Variants in JADE1 observed in about 807,000 individuals in gnomAD.
JADE1 encodes the protein jade family PHD finger 1.
In JADE1, 14 loss-of-function variants were observed where a neutral mutation model predicts 81.8. The observed-to-expected ratio is 0.17, with a 90% CI of 0.11 to 0.27. The LOEUF is 0.27. JADE1 is among the 10% of genes least tolerant of loss of function. JADE1 has a pLI of 1.00. For missense variants in JADE1, 690 were observed against 1,047.9 expected (o/e 0.66, Z 4.71); for synonymous variants, 353 against 391.9 (o/e 0.90, Z 1.17).
rs1472306934 is a variant in JADE1 at position 128,872,422 on chromosome 4, T to C, written c.*160T>C. 6 of 647,448 alleles carry C rather than the reference T, an allele frequency of 9.3e-6. No homozygotes were observed. Among genetic ancestry groups the C allele is most frequent in the Non-Finnish European group, 1.5e-5 (6 of 387,464 alleles). The allele number at this position is 647,448 out of a possible 1,614,324, so 40.1% of individuals were successfully genotyped here. ...TTTTTCCAGAGTCATTTTTAAATCA[T>C]TTTTGTGAGAAGTTTGTGTTATTTG... On this transcript the variant is annotated 3_prime_UTR_variant, in exon 11 of 11. Coordinates refer to ENST00000226319, the MANE Select transcript of JADE1 (RefSeq NM_199320.4).
At chr4:128,832,376 T>C (rs2125828873) in intron 2 of JADE1, among the ~76,000 whole-genome samples, 1 of 152,306 alleles carries the variant, frequency 6.6e-6, no homozygotes, top group East Asian at 1.9e-4. Context: ...TTCCAGGCAG[T>C]CAAAATAAAT....
rs2125911246 is a variant in JADE1, at chr4:128,873,953, C to T, written c.*1691C>T. ...TGATACATCCCCATTGTATGTACGA[C>T]ATTTTCAAACCAAGTCTTAACTTTT... On this transcript the variant is annotated 3_prime_UTR_variant, in exon 11 of 11. Coordinates refer to ENST00000226319, the MANE Select transcript of JADE1 (RefSeq NM_199320.4). 1 of 152,746 alleles carries T rather than the reference C, an allele frequency of 6.5e-6. No homozygotes were observed. The highest frequency in any genetic ancestry group is 1.9e-4 in the East Asian group (1 of 5,182). 9.5% of individuals were successfully genotyped at this position (152,746 alleles called of 1,614,324 possible). A position where few individuals can be genotyped will look rare whatever the true frequency, so the allele number is the denominator to read the frequency against.
intron 10 of JADE1, among the ~76,000 whole-genome samples, chr4:128,870,507 AG>A (rs1267487764): frequency 6.6e-6 from 1 of 152,172 alleles, no homozygotes; most frequent in Admixed American, 6.5e-5. Context: ...TTCACCTGCT[AG>A]GGGTAACAAC....
chr4:128,814,864 TG>T (rs1175142362), intron 1 of JADE1, among the ~76,000 whole-genome samples: 2 of 151,860 alleles, frequency 1.3e-5, no homozygotes, highest in African/African-American at 4.8e-5. Context: ...CACCCAGCTC[TG>T]AGGACCTTTT....
chr4:128,851,105 A>G lies in JADE1; in HGVS notation c.485-952A>G, dbSNP rs1350456187. Among the ~76,000 whole-genome samples the G allele has an allele frequency of 2.6e-5, 4 of 152,054 alleles. No individual in the cohort carries two copies. In the East Asian group the frequency reaches 7.7e-4, roughly 29 times the overall value. On this transcript the variant is annotated intron_variant, in intron 5 of 10. Transcript: ENST00000226319. ...GCCACCATGCCTGGCTAATTTTTGT[A>G]TTTTTAGTAGAGACAGGATTTCGCC... is the stretch of plus-strand genomic sequence containing the variant.
rs143834169 is a variant in JADE1 at position 128,820,080 on chromosome 4, G to T, written c.-27+10203G>T. 2.9e-4 allele frequency among the ~76,000 whole-genome samples: 44 copies of T among 151,924 alleles called. No individual in the cohort carries two copies. The East Asian group carries it at 7.6e-3, about 26-fold the overall frequency. On this transcript the variant is annotated intron_variant, in intron 1 of 10. Transcript: ENST00000226319. ...TTTTGAAATCCTCTCTAGCTCTGCAGTTAATTATGATTTTATGGGTTTCTT... is the reference window on the plus strand; with the variant it reads ...TTTTGAAATCCTCTCTAGCTCTGCATTTAATTATGATTTTATGGGTTTCTT...
At chr4:128,862,657 T>G (rs1429062835) in intron 9 of JADE1, 1 of 1,016,754 alleles carries the variant, frequency 9.8e-7, no homozygotes, top group Non-Finnish European at 1.2e-6. Context: ...GGAAAATTTC[T>G]TGTTCAGTCC....
chr4:128,813,950 C>T, intron 1 of JADE1, among the ~76,000 whole-genome samples: 1 of 151,600 alleles, frequency 6.6e-6, no homozygotes, highest in East Asian at 1.9e-4. Context: ...AACTTGATTC[C>T]ACCTTTAAGA....
At chr4:128,830,235 G>C (rs1021666492) in intron 1 of JADE1, among the ~76,000 whole-genome samples, 2 of 150,154 alleles carry the variant, frequency 1.3e-5, no homozygotes, top group Non-Finnish European at 3.0e-5. Context: ...ATTGTTGTGT[G>C]TATGTGTGTG....
At position 128,846,645 on chromosome 4, in the gene JADE1, A is replaced by G; in HGVS notation, c.296+113A>G. ...GGGAAGAGACAGTTTCTGAGTTAGC[A>G]TTAAAATATCATGAGGCCTCAAGTG... On this transcript the variant is annotated intron_variant, in intron 4 of 10. Transcript: ENST00000226319. The surrounding 1 kb of genome is among the most constrained non-coding windows in gnomAD (Gnocchi z 4.0). 2.6e-6 allele frequency: 3 copies of G among 1,145,734 alleles called. No individual in the cohort carries two copies. The highest frequency in any genetic ancestry group is 2.5e-5 in the East Asian group (1 of 40,332). The allele number at this position is 1,145,734 out of a possible 1,614,324, so 71.0% of individuals were successfully genotyped here.
At chr4:128,820,841 G>A (rs1451999468) in intron 1 of JADE1, among the ~76,000 whole-genome samples, 1 of 152,162 alleles carries the variant, frequency 6.6e-6, no homozygotes, top group African/African-American at 2.4e-5. Context: ...TCATTAGCTG[G>A]TGGAGTCTGG....
rs772057766 is a variant in JADE1, at chr4:128,846,350, A to C, written c.139-25A>C. 6.2e-7 allele frequency: 1 copy of C among 1,611,070 alleles called. No homozygotes were observed. Among genetic ancestry groups the C allele is most frequent in the Admixed American group, 1.7e-5 (1 of 59,894 alleles). ...AATAAGAATGCAAATATCAAATGTC[A>C]GTGTCCCTTTCTCTTCCTTTCCAGG... On this transcript the variant is annotated intron_variant, in intron 3 of 10. Coordinates refer to ENST00000226319, the MANE Select transcript of JADE1 (RefSeq NM_199320.4). This position sits in a 1 kb window ranked among gnomAD's most constrained non-coding sequence, Gnocchi z 4.0.
rs1732306086 is a variant in JADE1 at position 128,873,015 on chromosome 4, A to T, written c.*753A>T. 4.6e-6 allele frequency: 2 copies of T among 430,844 alleles called. No homozygotes were observed. Among genetic ancestry groups the T allele is most frequent in the African/African-American group, 4.1e-5 (2 of 49,208 alleles). The allele number at this position is 430,844 out of a possible 1,614,324, so 26.7% of individuals were successfully genotyped here. On this transcript the variant is annotated 3_prime_UTR_variant, in exon 11 of 11. Transcript: ENST00000226319. The stretch of plus-strand genomic sequence containing the variant: ...TTGTATCTATGAATAAGGGCAGTTG[A>T]AGTAGAATTTTTACCAGTCCACTTG...
chr4:128,827,342 G>A (rs1429604715), intron 1 of JADE1, among the ~76,000 whole-genome samples: 1 of 152,242 alleles, frequency 6.6e-6, no homozygotes, highest in Non-Finnish European at 1.5e-5. Context: ...GTTGAACTGA[G>A]CAGTACAGAA....
rs1409425202 is a variant in JADE1 at position 128,846,880 on chromosome 4, C to T, written c.296+348C>T. Among the ~76,000 whole-genome samples, 3 of 152,148 alleles carry T rather than the reference C, an allele frequency of 2.0e-5. No individual in the cohort carries two copies. The highest frequency in any genetic ancestry group is 4.4e-5 in the Non-Finnish European group (3 of 68,034). ...CGTCTGCATCCTCTTTTCCTGCCCT[C>T]CGTATTCGCTCTGGAGAGTGGCTCT... On this transcript the variant is annotated intron_variant, in intron 4 of 10. Coordinates refer to ENST00000226319, the MANE Select transcript of JADE1 (RefSeq NM_199320.4). The surrounding 1 kb of genome is among the most constrained non-coding windows in gnomAD (Gnocchi z 4.0).
In JADE1 at chr4:128,864,042, T is replaced by C. The variant is rs997495089; in HGVS notation, c.1503+1817T>C. On this transcript the variant is annotated intron_variant, in intron 9 of 10. Transcript: ENST00000226319. ...TGTTTAAGTAGAACAATGCCAACGA[T>C]GTATGAGAAACAGGGAATAAATCAG... 5.1e-6 allele frequency: 5 copies of C among 985,250 alleles called. No homozygotes were observed. The African/African-American group carries it at 8.7e-5, about 17-fold the overall frequency. The allele number at this position is 985,250 out of a possible 1,614,324, so 61.0% of individuals were successfully genotyped here.
At chr4:128,851,569 C>G (rs767136149) in intron 5 of JADE1, among the ~76,000 whole-genome samples, 1 of 152,166 alleles carries the variant, frequency 6.6e-6, no homozygotes, top group East Asian at 1.9e-4. Flanking sequence ...ATAACAGTTT[C>G]CTGGAAGACT....
intron 1 of JADE1, among the ~76,000 whole-genome samples, chr4:128,813,167 A>G (rs1049927015): frequency 2.0e-5 from 3 of 152,190 alleles, no homozygotes; most frequent in Non-Finnish European, 4.4e-5. Flanking sequence ...CATTTTGATC[A>G]TATCACAACT....
rs777729314 is a variant in JADE1, at chr4:128,871,847, G to C, written c.2114G>C (p.Gly705Ala). ...AACACAAGAGCTGCCACCTCCCCTGGAGTGGGGCAGTCAGCACCTGGCACA... is the reference window on the plus strand; with the variant it reads ...AACACAAGAGCTGCCACCTCCCCTGCAGTGGGGCAGTCAGCACCTGGCACA... ...LDNTRAATSP[G>A]VGQSAPGTRK... Residue 705 changes from glycine to alanine, a missense_variant, in exon 11 of 11, where the codon GGA (glycine) becomes GCA (alanine). Around this residue, in one of 8 missense-constraint regions of JADE1, gnomAD observed 218 missense variants for 274.3 expected, o/e 0.79. Coordinates refer to ENST00000226319, the MANE Select transcript of JADE1 (RefSeq NM_199320.4). This position sits in a 1 kb window ranked among gnomAD's most constrained non-coding sequence, Gnocchi z 4.1. The C allele has an allele frequency of 1.2e-6, 2 of 1,614,026 alleles. No homozygotes were observed. Among genetic ancestry groups the C allele is most frequent in the South Asian group, 2.2e-5 (2 of 91,078 alleles).
Sources: gnomAD v4.1 joint callset for allele counts (sites outside exome capture counted in the v4.1 genomes callset) on GRCh38, gnomAD v4.1.1 for gene constraint, gnomAD v4.1.1 regional missense constraint, Gnocchi (gnomAD v3.1) non-coding constraint, MANE v1.5 for transcripts, NCBI Gene and HGNC (gene_info 2026-07-23, HGNC 2026-07-21) for gene names.